CD48: variants seen among roughly 807,000 people sequenced by gnomAD.
CD48 encodes the protein CD48 antigen.
Under a neutral mutation model 22.0 loss-of-function variants are expected in CD48, and 20 were observed. That is an observed-to-expected ratio of 0.91 (90% CI 0.64 to 1.32). The LOEUF (loss-of-function observed/expected upper bound fraction) is 1.32. Among genes scored for constraint, CD48 ranks in the 40% most tolerant of loss-of-function variants. The probability of loss-of-function intolerance (pLI) is 0.00; values close to 1 mark genes in which losing one functional copy is unlikely to be tolerated. For synonymous variants in CD48, 110 were observed against 110.1 expected, an observed-to-expected ratio of 1.00 and a Z score of 0.01; for missense variants, 307 against 286.5, an observed-to-expected ratio of 1.07 and a Z score of -0.52.
At chr1:160,679,966 A>C (rs1488335961) in intron 3 of CD48, among the ~76,000 whole-genome samples, 1 of 152,220 alleles carries the variant, frequency 6.6e-6, no homozygotes, top group East Asian at 1.9e-4. Flanking sequence ...AGAGCAAGGC[A>C]TATCAGGAGA....
intron 2 of CD48, among the ~76,000 whole-genome samples, chr1:160,682,695 G>A (rs530222032): frequency 1.3e-5 from 2 of 152,274 alleles, no homozygotes; most frequent in East Asian, 3.9e-4. Flanking sequence ...CGCAATGTTA[G>A]TAAGATAAAA....
At chr1:160,683,031 A>G (rs1364194460) in intron 2 of CD48, among the ~76,000 whole-genome samples, 1 of 152,216 alleles carries the variant, frequency 6.6e-6, no homozygotes, top group African/African-American at 2.4e-5. Flanking sequence ...CTAGAACTCT[A>G]GTTTTGTCTC....
intron 1 of CD48, among the ~76,000 whole-genome samples, chr1:160,702,903 C>T (rs966218945): frequency 4.6e-5 from 7 of 152,108 alleles, no homozygotes; most frequent in African/African-American, 7.2e-5. Context: ...GCCTTGAGTG[C>T]GCTCATCAGA....
intron 1 of CD48, among the ~76,000 whole-genome samples, chr1:160,707,994 A>G (rs976010938): frequency 7.2e-5 from 11 of 152,136 alleles, no homozygotes; most frequent in Admixed American, 5.2e-4. Context: ...AATTAATCAG[A>G]TGATTTCGCT....
chr1:160,702,769 C>T (rs775720335), intron 1 of CD48, among the ~76,000 whole-genome samples: 2 of 152,100 alleles, frequency 1.3e-5, no homozygotes, highest in Non-Finnish European at 2.9e-5. Context: ...TGATCCAATG[C>T]CTTCACAAGC....
At chr1:160,710,626 T>C (rs930879482) in intron 1 of CD48, among the ~76,000 whole-genome samples, 2 of 152,198 alleles carry the variant, frequency 1.3e-5, no homozygotes, top group African/African-American at 4.8e-5. Flanking sequence ...AATAGTTAGA[T>C]GAATACTTCA....
chr1:160,703,635 C>A (rs1227392899), intron 1 of CD48, among the ~76,000 whole-genome samples: 5 of 150,998 alleles, frequency 3.3e-5, no homozygotes. Flanking sequence ...ACAGAACACA[C>A]TGTATAGTAT....
At chr1:160,680,341 T>C (rs1661748768) in intron 3 of CD48, 1 of 153,794 alleles carries the variant, frequency 6.5e-6, no homozygotes, top group Non-Finnish European at 1.4e-5. Flanking sequence ...CTGCGTCTCA[T>C]TTAGCTCCCG....
intron 1 of CD48, among the ~76,000 whole-genome samples, chr1:160,710,108 A>C (rs1662905705): frequency 6.6e-6 from 1 of 152,212 alleles, no homozygotes; most frequent in Non-Finnish European, 1.5e-5. Flanking sequence ...TTTAAGGCAA[A>C]CAGTAAAATT....
chr1:160,696,682 C>T (rs940901822), intron 1 of CD48, among the ~76,000 whole-genome samples: 1 of 137,544 alleles, frequency 7.3e-6, no homozygotes, highest in African/African-American at 2.7e-5. Context: ...ATGGATGTCA[C>T]GCATGTACCT....
chr1:160,693,274 A>G (rs893616032), intron 1 of CD48, among the ~76,000 whole-genome samples: 1 of 152,284 alleles, frequency 6.6e-6, no homozygotes, highest in Non-Finnish European at 1.5e-5. Flanking sequence ...ATGTTGCTCA[A>G]AAGTCAATTG....
chr1:160,707,210 A>G (rs1031267399), intron 1 of CD48, among the ~76,000 whole-genome samples: 5 of 152,208 alleles, frequency 3.3e-5, no homozygotes, highest in Admixed American at 6.5e-5. Flanking sequence ...CTGCAATGCA[A>G]TCTGAAGGTG....
chr1:160,699,016 A>C (rs1662531131), intron 1 of CD48: 1 of 153,496 alleles, frequency 6.5e-6, no homozygotes, highest in Admixed American at 6.5e-5. Context: ...CATGATGACG[A>C]TGGCGGTTTT....
intron 1 of CD48, among the ~76,000 whole-genome samples, chr1:160,698,141 A>G (rs552343): frequency 0.42 from 63,189 of 152,050 alleles, 13,482 homozygotes; most frequent in Non-Finnish European, 0.46. Context: ...ACAAAGTTGC[A>G]TAAAGCCCCC....
intron 1 of CD48, among the ~76,000 whole-genome samples, chr1:160,709,088 C>A (rs1484587594): frequency 6.6e-6 from 1 of 152,156 alleles, no homozygotes; most frequent in Non-Finnish European, 1.5e-5. Context: ...AGTCTTCCCC[C>A]AAATCTGTGG....
intron 1 of CD48, among the ~76,000 whole-genome samples, chr1:160,705,353 A>G (rs975938732): frequency 2.0e-5 from 3 of 151,964 alleles, no homozygotes; most frequent in Admixed American, 6.6e-5. Flanking sequence ...CATGTATCCC[A>G]CTAACCCCAA....
In CD48 at chr1:160,678,985, G is replaced by C; in HGVS notation, c.*67C>G. 8.8e-7 allele frequency: 1 copy of C among 1,140,794 alleles called. No homozygotes were observed. The highest frequency in any genetic ancestry group is 1.2e-5 in the South Asian group (1 of 81,168). The allele number at this position is 1,140,794 out of a possible 1,614,324, so 70.7% of individuals were successfully genotyped here. On this transcript the variant is annotated 3_prime_UTR_variant, in exon 4 of 4. Coordinates refer to ENST00000368046, the MANE Select transcript of CD48 (RefSeq NM_001778.4). Reference sequence around the variant, plus strand: ...GCCTATACAGTCTCTGTCCTGGTGAGGAGCATGATCACCAACAGGCAAGAT... The same window carrying C: ...GCCTATACAGTCTCTGTCCTGGTGACGAGCATGATCACCAACAGGCAAGAT...
intron 2 of CD48, among the ~76,000 whole-genome samples, chr1:160,682,457 CAAA>C (rs71579678): frequency 2.6e-4 from 14 of 53,308 alleles, no homozygotes; most frequent in African/African-American, 8.7e-4. Context: ...AGAAGACCTT[CAAA>C]AAAAAAAAAA....
chr1:160,688,729 G>C (rs1044612389), intron 1 of CD48, among the ~76,000 whole-genome samples: 1 of 152,168 alleles, frequency 6.6e-6, no homozygotes, highest in African/African-American at 2.4e-5. Flanking sequence ...AGTATCATAC[G>C]AGGCTTGGGG....
Sources: allele counts gnomAD v4.1 joint callset (sites outside exome capture counted in the v4.1 genomes callset), GRCh38; gene constraint gnomAD v4.1.1; transcripts MANE v1.5; gene names NCBI Gene and HGNC (gene_info 2026-07-23, HGNC 2026-07-21).